ELAPOR1: variants seen among roughly 807,000 people sequenced by gnomAD.
The protein encoded by ELAPOR1 is endosome-lysosome associated apoptosis and autophagy regulator 1, also known as endosome/lysosome-associated apoptosis and autophagy regulator 1.
In ELAPOR1, 77 loss-of-function variants were observed where a neutral mutation model predicts 119.7. The observed-to-expected ratio is 0.64, with a 90% CI of 0.54 to 0.78. The LOEUF (loss-of-function observed/expected upper bound fraction) is 0.78, where lower values mean the gene tolerates loss of function less well. ELAPOR1 is among the 30% of genes least tolerant of loss of function. ELAPOR1 has a pLI of 0.00. For missense variants in ELAPOR1, 1,115 were observed against 1,270.4 expected, an observed-to-expected ratio of 0.88 and a Z score of 1.86; for synonymous variants, 481 against 487.2, an observed-to-expected ratio of 0.99 and a Z score of 0.17.
intron 1 of ELAPOR1, among the ~76,000 whole-genome samples, chr1:109,120,509 C>T (rs911099825): frequency 1.1e-4 from 17 of 152,158 alleles, no homozygotes; most frequent in Non-Finnish European, 5.9e-5. Context: ...GGGCCCTCAC[C>T]GGACGCCTAA....
intron 7 of ELAPOR1, among the ~76,000 whole-genome samples, chr1:109,183,834 T>C (rs757472223): frequency 6.6e-6 from 1 of 152,082 alleles, no homozygotes; most frequent in Non-Finnish European, 1.5e-5. Flanking sequence ...CAGGCTGGTC[T>C]TGAACTCCTG....
intron 15 of ELAPOR1, among the ~76,000 whole-genome samples, chr1:109,194,937 G>A (rs1362389105): frequency 3.3e-5 from 5 of 151,610 alleles, no homozygotes; most frequent in Non-Finnish European, 2.9e-5. Flanking sequence ...GAGAAACCCC[G>A]TCTCTACTAA....
chr1:109,180,244 A>T (rs769834105), intron 7 of ELAPOR1, among the ~76,000 whole-genome samples: 5 of 152,152 alleles, frequency 3.3e-5, no homozygotes, highest in Non-Finnish European at 7.4e-5. Context: ...AAGAGCATGG[A>T]CTCCAGAACT....
Position 109,191,863 on chromosome 1 carries a change from AG to A in ELAPOR1, c.1683+1del, listed in dbSNP as rs1653460092. The stretch of plus-strand genomic sequence containing the variant: ...TCCAGAGGACCACTTTTCATGAGGC[AG>A]TAAGTTCCTCCCCTTCCTCAGACCC... On this transcript the variant is annotated splice_donor_variant, in intron 13 of 21. Transcript: ENST00000369939. LOFTEE classifies it high-confidence loss of function. The A allele has an allele frequency of 1.2e-6, 2 of 1,614,202 alleles. No individual in the cohort carries two copies. Among genetic ancestry groups the A allele is most frequent in the Non-Finnish European group, 1.7e-6 (2 of 1,180,012 alleles).
At chr1:109,190,075 C>A (rs1653336097) in intron 11 of ELAPOR1, among the ~76,000 whole-genome samples, 1 of 152,032 alleles carries the variant, frequency 6.6e-6, no homozygotes, top group Non-Finnish European at 1.5e-5. Flanking sequence ...TGTATTTGTC[C>A]CCATATCCCA....
chr1:109,143,219 G>T (rs1649943860), intron 1 of ELAPOR1, among the ~76,000 whole-genome samples: 1 of 152,160 alleles, frequency 6.6e-6, no homozygotes. Context: ...CAAAATGCTA[G>T]AATTATAGGC....
At chr1:109,120,004 C>T (rs761227215) in intron 1 of ELAPOR1, among the ~76,000 whole-genome samples, 1 of 152,196 alleles carries the variant, frequency 6.6e-6, no homozygotes, top group Non-Finnish European at 1.5e-5. Flanking sequence ...TTGTGTCCCC[C>T]CTAAATTCAT....
intron 1 of ELAPOR1, among the ~76,000 whole-genome samples, chr1:109,138,834 C>CAAAAAAAAAAA (rs150398954): frequency 5.6e-5 from 6 of 107,336 alleles, no homozygotes; most frequent in African/African-American, 7.6e-5. Context: ...AACTCCATCT[C>CAAAAAAAAAAA]AAAAAAAAAA....
chr1:109,179,238 T>C (rs1652546456), intron 7 of ELAPOR1, among the ~76,000 whole-genome samples: 1 of 151,018 alleles, frequency 6.6e-6, no homozygotes, highest in Non-Finnish European at 1.5e-5. Flanking sequence ...CCATCTCTAC[T>C]AAAAATTCAA....
intron 1 of ELAPOR1, among the ~76,000 whole-genome samples, chr1:109,148,158 A>T (rs1043959584): frequency 1.3e-5 from 2 of 149,432 alleles, no homozygotes; most frequent in East Asian, 3.9e-4. Flanking sequence ...TATTTTTTTG[A>T]CATGGAGTCT....
At chr1:109,138,890 A>G (rs1649658847) in intron 1 of ELAPOR1, among the ~76,000 whole-genome samples, 1 of 151,576 alleles carries the variant, frequency 6.6e-6, no homozygotes, top group Admixed American at 6.6e-5. Context: ...ATTTTTTTCA[A>G]AACTTAATTT....
intron 1 of ELAPOR1, among the ~76,000 whole-genome samples, chr1:109,142,229 C>T (rs1008471044): frequency 6.6e-6 from 1 of 151,900 alleles, no homozygotes; most frequent in Non-Finnish European, 1.5e-5. Context: ...AAAGAACAAA[C>T]AAAAAAGAGT....
chr1:109,120,689 C>G (rs961355977), intron 1 of ELAPOR1, among the ~76,000 whole-genome samples: 2 of 152,116 alleles, frequency 1.3e-5, no homozygotes, highest in African/African-American at 4.8e-5. Flanking sequence ...TGGGGACACT[C>G]TCTCTTCACA....
chr1:109,206,474 T>C lies in ELAPOR1; in HGVS notation c.*3462T>C, dbSNP rs1213517856. The C allele has an allele frequency of 1.3e-5, 2 of 152,250 alleles. No homozygotes were observed. The highest frequency in any genetic ancestry group is 2.4e-5 in the African/African-American group (1 of 41,476). 9.4% of individuals were successfully genotyped at this position (152,250 alleles called of 1,614,324 possible). ...TGCAGTAACTGTCATGCTATAGACA[T>C]CATCTGTATTTGGCTGGGAATACAA... On this transcript the variant is annotated 3_prime_UTR_variant, in exon 22 of 22. Coordinates refer to ENST00000369939, the MANE Select transcript of ELAPOR1 (RefSeq NM_020775.5).
rs1653541630 is a variant in ELAPOR1 at position 109,192,877 on chromosome 1, A to G, written c.1947+3A>G. ...GTCCAGGGACCAAGAACAACAAGGTACCTGTAGTCTGGCATGCATCCTAAA... is the reference window on the plus strand; with the variant it reads ...GTCCAGGGACCAAGAACAACAAGGTGCCTGTAGTCTGGCATGCATCCTAAA... On this transcript the variant is annotated splice_donor_region_variant and intron_variant, in intron 14 of 21. Transcript: ENST00000369939. 6.2e-7 allele frequency: 1 copy of G among 1,613,474 alleles called. No individual in the cohort carries two copies. Among genetic ancestry groups the G allele is most frequent in the Non-Finnish European group, 8.5e-7 (1 of 1,179,760 alleles).
At chr1:109,195,161 C>G (rs2101125025) in intron 15 of ELAPOR1, among the ~76,000 whole-genome samples, 1 of 151,736 alleles carries the variant, frequency 6.6e-6, no homozygotes, top group South Asian at 2.1e-4. Flanking sequence ...TGTTCTTTTA[C>G]CTGACCTTTA....
rs567681738 is a variant in ELAPOR1 at position 109,160,248 on chromosome 1, A to T, written c.154-1646A>T. Among the ~76,000 whole-genome samples the T allele has an allele frequency of 6.6e-5, 10 of 151,932 alleles. No individual in the cohort carries two copies. In the South Asian group the frequency reaches 1.9e-3, roughly 28 times the overall value. The stretch of plus-strand genomic sequence containing the variant: ...CTTGAGCCCAGGAAGTCAAGATTAC[A>T]GTGAGCCATCATCACGCCACCGCAC... On this transcript the variant is annotated intron_variant, in intron 1 of 21. Coordinates refer to ENST00000369939, the MANE Select transcript of ELAPOR1 (RefSeq NM_020775.5).
chr1:109,198,723 C>A (rs779297983), intron 18 of ELAPOR1, 49 bp downstream of exon 18: 86 of 1,482,152 alleles, frequency 5.8e-5, no homozygotes, highest in Middle Eastern at 5.1e-4. Context: ...CCCTTGAAGT[C>A]ATTCCATCCT....
intron 7 of ELAPOR1, among the ~76,000 whole-genome samples, chr1:109,178,077 T>C (rs187777868): frequency 7.3e-4 from 111 of 151,264 alleles, no homozygotes; most frequent in Non-Finnish European, 1.4e-3. Context: ...TGGCGCAATC[T>C]TGGCTCACTG....
Sources: gnomAD v4.1 joint callset for allele counts (sites outside exome capture counted in the v4.1 genomes callset) on GRCh38, gnomAD v4.1.1 for gene constraint, MANE v1.5 for transcripts, NCBI Gene and HGNC (gene_info 2026-07-23, HGNC 2026-07-21) for gene names.